The following ERC2 variants were observed in gnomAD, a reference collection of about 807,000 sequenced individuals.
ERC2 encodes ERC protein 2.
ERC2 carries 42 observed loss-of-function variants against 114.8 expected under a neutral mutation model. That is an observed-to-expected ratio of 0.37 (90% CI 0.29 to 0.47). The LOEUF (loss-of-function observed/expected upper bound fraction) is 0.47. Ranked by LOEUF, ERC2 falls within the 20% of genes least tolerant of loss-of-function variation. The probability of loss-of-function intolerance (pLI) is 0.99; values close to 1 mark genes in which losing one functional copy is unlikely to be tolerated. For missense variants in ERC2, 939 were observed against 1,150.7 expected (o/e 0.82, Z 2.66); for synonymous variants, 454 against 425.5 (o/e 1.07, Z -0.82).
intron 3 of ERC2, among the ~76,000 whole-genome samples, chr3:56,200,235 A>G (rs2048335021): frequency 6.6e-6 from 1 of 151,956 alleles, no homozygotes; most frequent in Non-Finnish European, 1.5e-5. Context: ...CCTCACACAG[A>G]GCAGGTTTAA....
intron 12 of ERC2, among the ~76,000 whole-genome samples, chr3:55,974,559 G>A (rs2069430538): frequency 6.6e-6 from 1 of 152,172 alleles, no homozygotes; most frequent in Admixed American, 6.5e-5. Flanking sequence ...ACCCCTCCTG[G>A]AAATACATCT....
chr3:55,792,491 T>C (rs146276786), intron 14 of ERC2, among the ~76,000 whole-genome samples: 1 of 152,322 alleles, frequency 6.6e-6, no homozygotes, highest in Non-Finnish European at 1.5e-5. Context: ...ACTTCCCTTC[T>C]TACACCTAAT....
At chr3:56,411,755 G>T (rs1366113277) in intron 2 of ERC2, among the ~76,000 whole-genome samples, 1 of 152,114 alleles carries the variant, frequency 6.6e-6, no homozygotes, top group Non-Finnish European at 1.5e-5. Context: ...TCACAGGGCT[G>T]GTGAGTAGCA....
intron 14 of ERC2, among the ~76,000 whole-genome samples, chr3:55,752,523 G>C (rs2066776356): frequency 6.6e-6 from 1 of 152,184 alleles, no homozygotes; most frequent in Non-Finnish European, 1.5e-5. Flanking sequence ...TGCTGAACAA[G>C]GGACAGGCCA....
At chr3:56,037,616 T>G (rs2074889527) in intron 7 of ERC2, among the ~76,000 whole-genome samples, 1 of 152,184 alleles carries the variant, frequency 6.6e-6, no homozygotes, top group Non-Finnish European at 1.5e-5. Context: ...GGAACCAAGT[T>G]GGAAAACATA....
At chr3:56,441,329 T>A (rs2062296670) in intron 1 of ERC2, among the ~76,000 whole-genome samples, 1 of 152,156 alleles carries the variant, frequency 6.6e-6, no homozygotes, top group African/African-American at 2.4e-5. Context: ...ATCAGCTGCA[T>A]GAATAACAGC....
At chr3:56,005,043 T>A (rs1450957592) in intron 10 of ERC2, among the ~76,000 whole-genome samples, 1 of 151,894 alleles carries the variant, frequency 6.6e-6, no homozygotes, top group Non-Finnish European at 1.5e-5. Flanking sequence ...ACTGAAAAAA[T>A]ATTTTAAACT....
At chr3:55,872,507 G>T (rs2062631018) in intron 14 of ERC2, among the ~76,000 whole-genome samples, 1 of 152,170 alleles carries the variant, frequency 6.6e-6, no homozygotes, top group African/African-American at 2.4e-5. Flanking sequence ...CTCAACAAAT[G>T]AAAGCCTGCA....
chr3:56,203,206 G>A lies in ERC2; in HGVS notation c.1075-29686C>T, dbSNP rs373179199. Among the ~76,000 whole-genome samples the A allele has an allele frequency of 2.4e-4, 37 of 152,292 alleles. No individual in the cohort carries two copies. The East Asian group carries it at 4.3e-3, about 17-fold the overall frequency. On this transcript the variant is annotated intron_variant, in intron 3 of 17. Coordinates refer to ENST00000288221, the MANE Select transcript of ERC2 (RefSeq NM_015576.3). ...GCTTATCAGAGACCATCAAGAATGG[G>A]ATCACCCAGTATCTCCTTCTTGATT...
chr3:55,900,122 G>A (rs62253670), intron 13 of ERC2, among the ~76,000 whole-genome samples: 24,709 of 152,090 alleles, frequency 0.16, 3,212 homozygotes, highest in African/African-American at 0.36. Context: ...ATAATCCGGT[G>A]GGGAGAGCCC....
At chr3:55,887,596 A>G (rs1479005701) in intron 14 of ERC2, among the ~76,000 whole-genome samples, 1 of 152,270 alleles carries the variant, frequency 6.6e-6, no homozygotes. Context: ...AGTTCTTCAC[A>G]AACAGACCTA....
chr3:55,903,030 A>T (rs1211538386), intron 13 of ERC2, among the ~76,000 whole-genome samples: 1 of 152,224 alleles, frequency 6.6e-6, no homozygotes, highest in Non-Finnish European at 1.5e-5. Flanking sequence ...GGGCAGAAAC[A>T]AAACATACTC....
At chr3:55,583,981 G>A (rs1204462611) in intron 17 of ERC2, among the ~76,000 whole-genome samples, 3 of 152,136 alleles carry the variant, frequency 2.0e-5, no homozygotes, top group Admixed American at 6.5e-5. Flanking sequence ...TGTGATTCTG[G>A]TTAAGTCACT....
At chr3:55,543,918 T>G (rs2054571598) in intron 17 of ERC2, among the ~76,000 whole-genome samples, 1 of 152,182 alleles carries the variant, frequency 6.6e-6, no homozygotes, top group Non-Finnish European at 1.5e-5. Context: ...TCAATTCAGA[T>G]TCTCAAGAAC....
At chr3:56,040,791 G>T (rs995141121) in intron 7 of ERC2, among the ~76,000 whole-genome samples, 2 of 145,512 alleles carry the variant, frequency 1.4e-5, no homozygotes, top group South Asian at 2.2e-4. Flanking sequence ...GATATATATA[G>T]ATATATATAG....
chr3:55,633,712 T>C (rs1019509555), intron 17 of ERC2, among the ~76,000 whole-genome samples: 5 of 152,216 alleles, frequency 3.3e-5, no homozygotes, highest in African/African-American at 1.2e-4. Flanking sequence ...ATGGGTGAAA[T>C]GTTTGCCTTT....
At chr3:55,777,609 GT>G (rs2068724000) in intron 14 of ERC2, among the ~76,000 whole-genome samples, 1 of 152,218 alleles carries the variant, frequency 6.6e-6, no homozygotes, top group African/African-American at 2.4e-5. Flanking sequence ...ACTGAAAGAT[GT>G]AATGTTATGG....
At chr3:56,103,734 A>T (rs941628092) in intron 6 of ERC2, among the ~76,000 whole-genome samples, 2 of 148,210 alleles carry the variant, frequency 1.3e-5, no homozygotes, top group Non-Finnish European at 3.0e-5. Flanking sequence ...TAACAAAAAA[A>T]CTAGAAGTGT....
intron 14 of ERC2, among the ~76,000 whole-genome samples, chr3:55,802,302 G>A (rs909556148): frequency 1.8e-4 from 27 of 152,102 alleles, no homozygotes; most frequent in African/African-American, 5.6e-4. Context: ...GCTTGCTCAC[G>A]CATTATGTAT....
Sources: gnomAD v4.1 joint callset for allele counts (sites outside exome capture counted in the v4.1 genomes callset) on GRCh38, gnomAD v4.1.1 for gene constraint, MANE v1.5 for transcripts, NCBI Gene and HGNC (gene_info 2026-07-23, HGNC 2026-07-21) for gene names.